Variants in SYK observed in about 807,000 individuals in gnomAD.
SYK encodes the protein tyrosine-protein kinase SYK.
Under a neutral mutation model 77.8 loss-of-function variants are expected in SYK, and 16 were observed. The ratio of observed to expected loss-of-function variants is 0.21; its 90% confidence interval spans 0.14 to 0.31. SYK has a LOEUF of 0.31. Ranked by LOEUF, SYK falls within the 10% of genes least tolerant of loss-of-function variation. The probability of loss-of-function intolerance (pLI) is 1.00; values close to 1 mark genes in which losing one functional copy is unlikely to be tolerated. For missense variants in SYK, 529 were observed against 814.4 expected (o/e 0.65, Z 4.26); for synonymous variants, 312 against 308.7 (o/e 1.01, Z -0.11).
intron 11 of SYK, among the ~76,000 whole-genome samples, chr9:90,886,312 A>G (rs1419269976): frequency 6.6e-6 from 1 of 152,228 alleles, no homozygotes; most frequent in Non-Finnish European, 1.5e-5. Context: ...TTTTTTAAAA[A>G]AATGCTTTGC....
At chr9:90,874,941 A>G (rs765154763) in intron 9 of SYK, 92 bp downstream of exon 9, 45 of 1,427,982 alleles carry the variant, frequency 3.2e-5, no homozygotes, top group Non-Finnish European at 4.3e-5. Context: ...GCATGACTAA[A>G]CCCTTTTTTT....
intron 4 of SYK, among the ~76,000 whole-genome samples, chr9:90,863,331 G>A (rs368010674): frequency 7.2e-5 from 11 of 152,244 alleles, no homozygotes; most frequent in South Asian, 2.1e-4. Context: ...TAATCAGGGC[G>A]TGTTCCAATG....
At chr9:90,819,526 T>C (rs1253670351) in intron 1 of SYK, among the ~76,000 whole-genome samples, 3 of 151,834 alleles carry the variant, frequency 2.0e-5, no homozygotes, top group Admixed American at 6.6e-5. Context: ...CAAGAGAAAA[T>C]GAGGAAGAAG....
At chr9:90,849,652 A>G (rs1406356490) in intron 3 of SYK, among the ~76,000 whole-genome samples, 1 of 152,130 alleles carries the variant, frequency 6.6e-6, no homozygotes, top group Non-Finnish European at 1.5e-5. Context: ...TGCGCACTCT[A>G]TGGTTTGTAA....
chr9:90,827,595 G>A (rs1451856508), intron 1 of SYK: 4 of 152,190 alleles, frequency 2.6e-5, no homozygotes, highest in Non-Finnish European at 5.9e-5. Flanking sequence ...TCAAATTTGT[G>A]GGAATCAAGC....
intron 1 of SYK, among the ~76,000 whole-genome samples, chr9:90,822,129 A>G (rs1046262688): frequency 1.3e-5 from 2 of 152,226 alleles, no homozygotes; most frequent in East Asian, 3.8e-4. Flanking sequence ...GTATAACCTG[A>G]AATAATGAGA....
Position 90,801,850 on chromosome 9 carries a change from C to G in SYK, c.-85C>G, listed in dbSNP as rs1057443435. 4.6e-5 allele frequency: 7 copies of G among 152,434 alleles called. No individual in the cohort carries two copies. Among genetic ancestry groups the G allele is most frequent in the African/African-American group, 1.7e-4 (7 of 41,448 alleles). The allele number at this position is 152,434 out of a possible 1,614,324, so 9.4% of individuals were successfully genotyped here. A position where few individuals can be genotyped will look rare whatever the true frequency, so the allele number is the denominator to read the frequency against. On this transcript the variant is annotated 5_prime_UTR_variant, in exon 1 of 14. Coordinates refer to ENST00000375754, the MANE Select transcript of SYK (RefSeq NM_003177.7). ...GCGGCGGCTGGAGAGCGAGGAGGAG[C>G]GGGTGGCCCCGCGCTGCGCCCGCCC...
chr9:90,810,580 A>G (rs1182985644), intron 1 of SYK, among the ~76,000 whole-genome samples: 1 of 151,852 alleles, frequency 6.6e-6, no homozygotes, highest in African/African-American at 2.4e-5. Context: ...TGCCATCAAG[A>G]GCACCAGGGA....
At chr9:90,875,244 TA>T (rs1355336935) in intron 9 of SYK, among the ~76,000 whole-genome samples, 2 of 147,372 alleles carry the variant, frequency 1.4e-5, no homozygotes, top group African/African-American at 5.1e-5. Flanking sequence ...ACAAAAAAAA[TA>T]AATAAATAAA....
chr9:90,816,299 G>A (rs1825290418), intron 1 of SYK, among the ~76,000 whole-genome samples: 1 of 152,206 alleles, frequency 6.6e-6, no homozygotes, highest in Non-Finnish European at 1.5e-5. Context: ...TTAGAAGGCA[G>A]ATAGCTGTGC....
intron 3 of SYK, among the ~76,000 whole-genome samples, chr9:90,856,479 C>T (rs984733428): frequency 2.0e-5 from 3 of 152,026 alleles, no homozygotes; most frequent in South Asian, 2.1e-4. Flanking sequence ...TGAGTAACGT[C>T]GTTGAATTAT....
intron 1 of SYK, among the ~76,000 whole-genome samples, chr9:90,830,421 G>T (rs1825838079): frequency 6.6e-6 from 1 of 152,206 alleles, no homozygotes; most frequent in African/African-American, 2.4e-5. Flanking sequence ...AGTGCCCCCA[G>T]CCCTTTGCAG....
At chr9:90,816,631 TA>T (rs1171630324) in intron 1 of SYK, among the ~76,000 whole-genome samples, 1 of 152,248 alleles carries the variant, frequency 6.6e-6, no homozygotes, top group Non-Finnish European at 1.5e-5. Flanking sequence ...CCCATCATCA[TA>T]AATGCTTATC....
rs1303320502 is a variant in SYK, at chr9:90,844,223, C to A, written c.325C>A (p.Arg109=). ...LVCLLKKPFN[R]PQGVQPKTGP... ...CTGCCTCCTCAAGAAGCCCTTCAAC[C>A]GGCCCCAAGGGGTGCAGCCCAAGAC... Residue 109 remains arginine, a synonymous_variant, in exon 2 of 14, where the codon CGG becomes AGG. Transcript: ENST00000375754. The A allele has an allele frequency of 6.2e-7, 1 of 1,614,096 alleles. No homozygotes were observed. Among genetic ancestry groups the A allele is most frequent in the Admixed American group, 1.7e-5 (1 of 60,010 alleles).
At chr9:90,813,928 C>T (rs1037207651) in intron 1 of SYK, among the ~76,000 whole-genome samples, 1 of 152,136 alleles carries the variant, frequency 6.6e-6, no homozygotes, top group Non-Finnish European at 1.5e-5. Flanking sequence ...AAGGTCACTC[C>T]CCCGGGGGGC....
rs905527167 is a variant in SYK at position 90,874,754 on chromosome 9, G to A, written c.1086G>A (p.Glu362=). Residue 362 remains glutamate, a synonymous_variant, in exon 9 of 14, where the codon GAG becomes GAA. Coordinates refer to ENST00000375754, the MANE Select transcript of SYK (RefSeq NM_003177.7). ...ACCCCGAGGAGATCAGGCCCAAGGA[G>A]GTTTACCTGGACCGAAAGCTGCTGA... ...YADPEEIRPK[E]VYLDRKLLTL... is the part of the protein sequence containing the mutation. 3.7e-6 allele frequency: 6 copies of A among 1,614,104 alleles called. No homozygotes were observed. Among genetic ancestry groups the A allele is most frequent in the Non-Finnish European group, 5.1e-6 (6 of 1,180,022 alleles).
chr9:90,875,278 T>A (rs2118873453), intron 9 of SYK, among the ~76,000 whole-genome samples: 1 of 151,526 alleles, frequency 6.6e-6, no homozygotes, highest in South Asian at 2.1e-4. Flanking sequence ...ACATAAAAAA[T>A]TAGCCAGACA....
chr9:90,846,241 G>A (rs1826587825), intron 3 of SYK, among the ~76,000 whole-genome samples: 1 of 152,222 alleles, frequency 6.6e-6, no homozygotes, highest in African/African-American at 2.4e-5. Flanking sequence ...TTTGGGAGGT[G>A]TCAACCTTGT....
intron 7 of SYK, among the ~76,000 whole-genome samples, chr9:90,872,157 G>C (rs112842841): frequency 1.3e-5 from 2 of 152,172 alleles, no homozygotes; most frequent in Non-Finnish European, 2.9e-5. Flanking sequence ...AGGGAATTGC[G>C]TTCTGGTTTA....
Sources: allele counts gnomAD v4.1 joint callset (sites outside exome capture counted in the v4.1 genomes callset), GRCh38; gene constraint gnomAD v4.1.1; transcripts MANE v1.5; gene names NCBI Gene and HGNC (gene_info 2026-07-23, HGNC 2026-07-21).